Variants in SMCHD1 observed in about 807,000 individuals in gnomAD.
The protein encoded by SMCHD1 is structural maintenance of chromosomes flexible hinge domain containing 1.
A neutral mutation model predicts 254.7 loss-of-function variants in SMCHD1; 78 were observed. That is an observed-to-expected ratio of 0.31 (90% CI 0.26 to 0.37). The LOEUF (loss-of-function observed/expected upper bound fraction) is 0.37. SMCHD1 is among the 10% of genes least tolerant of loss of function. The pLI is 1.00. For missense variants in SMCHD1, 1,840 were observed against 2,408.1 expected, an observed-to-expected ratio of 0.76 and a Z score of 4.94; for synonymous variants, 766 against 794.9, an observed-to-expected ratio of 0.96 and a Z score of 0.61.
rs543964322 is a variant in SMCHD1, at chr18:2,754,723, C to CA, written c.4346+2172dup. ...TGAGAACCCTCCTGAAATCTAAACT[C>CA]ACAGATGTCTGCGAAGGGCCCATCT... is the stretch of plus-strand genomic sequence containing the variant. On this transcript the variant is annotated intron_variant, in intron 34 of 47. Transcript: ENST00000320876. Among the ~76,000 whole-genome samples, 86 of 152,286 alleles carry CA rather than the reference C, an allele frequency of 5.6e-4. No individual in the cohort carries two copies. The Middle Eastern group carries it at 0.01, about 18-fold the overall frequency.
In SMCHD1 at chr18:2,661,565, A is replaced by G. The variant is rs551650980; in HGVS notation, c.187-4592A>G. 8.1e-5 allele frequency among the ~76,000 whole-genome samples: 11 copies of G among 135,012 alleles called. No individual in the cohort carries two copies. In the South Asian group the frequency reaches 1.9e-3, roughly 23 times the overall value. 88.6% of individuals were successfully genotyped at this position (135,012 alleles called of 152,430 possible). A position where few individuals can be genotyped will look rare whatever the true frequency, so the allele number is the denominator to read the frequency against. On this transcript the variant is annotated intron_variant, in intron 1 of 47. Transcript: ENST00000320876. ...ATCTGTGGGTTTTTAATATGGATTA[A>G]ACATCTGGGTTTTTAATATGGATTA...
chr18:2,714,703 G>A (rs1195295708), intron 17 of SMCHD1, among the ~76,000 whole-genome samples: 1 of 151,962 alleles, frequency 6.6e-6, no homozygotes, highest in Non-Finnish European at 1.5e-5. Context: ...TTGTTTCCAT[G>A]TTTAGAACTC....
At position 2,709,332 on chromosome 18, in the gene SMCHD1, TATCGTG is replaced by T. The variant is rs544098656; in HGVS notation, c.2260+1414_2260+1419del. Reference sequence around the variant, plus strand: ...ACTCAGGTTACTTTCACCTGTTGTCTATCGTGAAGAATGCTCCTGTGAACATCAGTG... The same window carrying T: ...ACTCAGGTTACTTTCACCTGTTGTCTAAGAATGCTCCTGTGAACATCAGTG... On this transcript the variant is annotated intron_variant, in intron 17 of 47. Coordinates refer to ENST00000320876, the MANE Select transcript of SMCHD1 (RefSeq NM_015295.3). Among the ~76,000 whole-genome samples, 1,447 of 152,090 alleles carry T rather than the reference TATCGTG, an allele frequency of 9.5e-3. 12 individuals carry two copies. The highest frequency in any genetic ancestry group is 0.02 in the Middle Eastern group (6 of 294).
chr18:2,755,081 G>C (rs1020816468), intron 34 of SMCHD1, among the ~76,000 whole-genome samples: 2 of 151,952 alleles, frequency 1.3e-5, no homozygotes, highest in Non-Finnish European at 2.9e-5. Flanking sequence ...TAGAGACAGG[G>C]TCTCACTATG....
At chr18:2,741,718 T>A (rs2075353341) in intron 28 of SMCHD1, among the ~76,000 whole-genome samples, 2 of 152,196 alleles carry the variant, frequency 1.3e-5, no homozygotes, top group African/African-American at 4.8e-5. Context: ...AGAAAATAAA[T>A]GCGCTCCTGT....
intron 28 of SMCHD1, among the ~76,000 whole-genome samples, chr18:2,743,516 A>T (rs984859915): frequency 3.9e-5 from 6 of 152,184 alleles, no homozygotes; most frequent in African/African-American, 1.2e-4. Context: ...TTAAGAAAAG[A>T]TAAAATAAAG....
intron 34 of SMCHD1, among the ~76,000 whole-genome samples, chr18:2,757,890 ATTT>A (rs887942885): frequency 1.2e-4 from 18 of 151,686 alleles, no homozygotes; most frequent in African/African-American, 3.9e-4. Context: ...TATTATTATT[ATTT>A]TTTTCTTGCA....
At chr18:2,748,246 A>G (rs1263704980) in intron 30 of SMCHD1, among the ~76,000 whole-genome samples, 3 of 151,176 alleles carry the variant, frequency 2.0e-5, no homozygotes, top group African/African-American at 4.9e-5. Context: ...ATTTATTCCT[A>G]TGAGTATTGA....
chr18:2,747,447 A>C, intron 29 of SMCHD1, 75 bp from the exon 30 acceptor site: 1 of 1,280,318 alleles, frequency 7.8e-7, no homozygotes, highest in Non-Finnish European at 1.1e-6. Flanking sequence ...AGTGATCGTT[A>C]CACAAATATA....
intron 37 of SMCHD1, among the ~76,000 whole-genome samples, chr18:2,765,386 A>G (rs1361368084): frequency 3.3e-5 from 5 of 151,874 alleles, no homozygotes; most frequent in Non-Finnish European, 7.4e-5. Flanking sequence ...CTTTTCTTGT[A>G]TTTTTGTTGT....
At position 2,688,611 on chromosome 18, in the gene SMCHD1, T is replaced by C. The variant is rs1055642291; in HGVS notation, c.754-17T>C. On this transcript the variant is annotated splice_polypyrimidine_tract_variant and intron_variant, in intron 6 of 47. Coordinates refer to ENST00000320876, the MANE Select transcript of SMCHD1 (RefSeq NM_015295.3). ...TTTATTAGGAATTTAAAAAGTACTCTTTTTAATATTTAACAGATGATAAGC... is the reference window on the plus strand; with the variant it reads ...TTTATTAGGAATTTAAAAAGTACTCCTTTTAATATTTAACAGATGATAAGC... 2 of 1,562,518 alleles carry C rather than the reference T, an allele frequency of 1.3e-6. No homozygotes were observed. Among genetic ancestry groups the C allele is most frequent in the African/African-American group, 2.8e-5 (2 of 72,472 alleles).
At chr18:2,797,598 A>T (rs530008075) in intron 47 of SMCHD1, among the ~76,000 whole-genome samples, 1 of 152,248 alleles carries the variant, frequency 6.6e-6, no homozygotes, top group African/African-American at 2.4e-5. Context: ...CTGTAATTCT[A>T]TGCAGTAGAG....
At chr18:2,778,138 A>G (rs771696006) in intron 43 of SMCHD1, 31 bp from the exon 44 acceptor site, 1 of 1,507,048 alleles carries the variant, frequency 6.6e-7, no homozygotes, top group Non-Finnish European at 9.1e-7. Context: ...AAATATCATA[A>G]TTTTCAAAAT....
At chr18:2,663,737 C>T (rs975988725) in intron 1 of SMCHD1, among the ~76,000 whole-genome samples, 3 of 120,996 alleles carry the variant, frequency 2.5e-5, no homozygotes, top group Non-Finnish European at 4.7e-5. Flanking sequence ...TTTTTTAAGA[C>T]GGAGTCTCGC....
chr18:2,720,940 G>T (rs1015051763), intron 19 of SMCHD1, among the ~76,000 whole-genome samples: 38 of 152,126 alleles, frequency 2.5e-4, no homozygotes, highest in African/African-American at 8.5e-4. Context: ...GTAGTGCTGT[G>T]TCTCTCACTT....
At chr18:2,727,821 C>A (rs556780551) in intron 22 of SMCHD1, among the ~76,000 whole-genome samples, 1 of 151,960 alleles carries the variant, frequency 6.6e-6, no homozygotes, top group Non-Finnish European at 1.5e-5. Flanking sequence ...AATATTAGTA[C>A]AAAATAAAAT....
chr18:2,662,667 C>CA (rs745838636), intron 1 of SMCHD1, among the ~76,000 whole-genome samples: 4,964 of 35,364 alleles, frequency 0.14, 252 homozygotes, highest in African/African-American at 0.22. Context: ...AACAAAAAAC[C>CA]AAAAAAAAAA....
At chr18:2,676,418 T>C (rs549502845) in intron 5 of SMCHD1, among the ~76,000 whole-genome samples, 226 of 152,310 alleles carry the variant, frequency 1.5e-3, no homozygotes, top group South Asian at 2.5e-3. Context: ...GAGGCTTGAA[T>C]GATCAGAAGA....
In SMCHD1 at chr18:2,777,863, C is replaced by T. The variant is rs1178987179; in HGVS notation, c.5424C>T (p.Val1808=). The T allele has an allele frequency of 6.4e-7, 1 of 1,551,994 alleles. No individual in the cohort carries two copies. The highest frequency in any genetic ancestry group is 8.7e-7 in the Non-Finnish European group (1 of 1,146,402). Residue 1808 remains valine, a synonymous_variant, in exon 43 of 48, where the codon GTC becomes GTT. Coordinates refer to ENST00000320876, the MANE Select transcript of SMCHD1 (RefSeq NM_015295.3). The part of the protein sequence containing the change: ...KLYFKPIGDP[V]FARDLLTFPD... ...ATTTTAAACCCATTGGAGATCCAGTCTTTGCTCGAGACTTGTTAACATTTC... is the reference window on the plus strand; with the variant it reads ...ATTTTAAACCCATTGGAGATCCAGTTTTTGCTCGAGACTTGTTAACATTTC...
Sources: gnomAD v4.1 joint callset for allele counts (sites outside exome capture counted in the v4.1 genomes callset) on GRCh38, gnomAD v4.1.1 for gene constraint, MANE v1.5 for transcripts, NCBI Gene and HGNC (gene_info 2026-07-23, HGNC 2026-07-21) for gene names.